BAHCC1: variants seen among roughly 807,000 people sequenced by gnomAD.
BAHCC1 encodes the protein BAH domain and coiled-coil containing 1.
BAHCC1 carries 43 observed loss-of-function variants against 88.2 expected under a neutral mutation model. That is an observed-to-expected ratio of 0.49 (90% CI 0.38 to 0.63). BAHCC1 has a LOEUF of 0.63. BAHCC1 is among the 20% of genes least tolerant of loss of function. The pLI is 0.00. For synonymous variants in BAHCC1, 1,510 were observed against 745.5 expected, an observed-to-expected ratio of 2.03 and a Z score of -16.71; for missense variants, 3,023 against 1,654.8, an observed-to-expected ratio of 1.83 and a Z score of -14.34.
At chr17:81,400,176 C>G (rs1011327867) in intron 2 of BAHCC1, among the ~76,000 whole-genome samples, 1 of 152,166 alleles carries the variant, frequency 6.6e-6, no homozygotes, top group Non-Finnish European at 1.5e-5. Context: ...AAATTAAAGC[C>G]TTTCCGCGCC....
At chr17:81,403,181 A>C (rs2063837777) in intron 2 of BAHCC1, among the ~76,000 whole-genome samples, 1 of 152,172 alleles carries the variant, frequency 6.6e-6, no homozygotes, top group Non-Finnish European at 1.5e-5. Context: ...GGAGAGGCCC[A>C]CATAGACAGC....
intron 2 of BAHCC1, among the ~76,000 whole-genome samples, chr17:81,419,261 C>T (rs1414704796): frequency 6.6e-6 from 1 of 152,222 alleles, no homozygotes; most frequent in Non-Finnish European, 1.5e-5. Context: ...GTCTCCCCAC[C>T]CCGTCCCTCA....
chr17:81,400,159 C>T (rs1167654721), intron 2 of BAHCC1, among the ~76,000 whole-genome samples: 1 of 152,004 alleles, frequency 6.6e-6, no homozygotes, highest in African/African-American at 2.4e-5. Flanking sequence ...AGCCCCGGAG[C>T]CGGCTGAAAT....
In BAHCC1 at chr17:81,455,307, C is replaced by T. The variant is rs1555656999; in HGVS notation, c.4486C>T (p.Arg1496Ter). The T allele has an allele frequency of 1.4e-6, 1 of 717,200 alleles. No individual in the cohort carries two copies. 44.4% of individuals were successfully genotyped at this position (717,200 alleles called of 1,614,324 possible). ...CCTGGGTCTGCTGTGTGCGGAGCTGCGAGGAGGCAGTGGGGGCGAGCCTGC... is the reference window on the plus strand; with the variant it reads ...CCTGGGTCTGCTGTGTGCGGAGCTGTGAGGAGGCAGTGGGGGCGAGCCTGC... ...TSLGLLCAEL[R>*]GGSGGEPAKK... Residue 1496 changes from arginine (R) to a stop codon, truncating the protein, a stop_gained, in exon 15 of 28, where the codon CGA (arginine) becomes TGA (stop). Transcript: ENST00000675386. LOFTEE classifies it high-confidence loss of function.
At position 81,442,543 on chromosome 17, in the gene BAHCC1, G is replaced by A; in HGVS notation, c.1194G>A (p.Val398=). 1.3e-6 allele frequency: 1 copy of A among 740,924 alleles called. No homozygotes were observed. The highest frequency in any genetic ancestry group is 1.4e-5 in the South Asian group (1 of 70,474). The allele number at this position is 740,924 out of a possible 1,614,324, so 45.9% of individuals were successfully genotyped here. The change falls in exon 5 of 28, where the codon GTG becomes GTA. Residue 398 remains valine (V), a synonymous_variant. Coordinates refer to ENST00000675386, the MANE Select transcript of BAHCC1 (RefSeq NM_001377448.1). ...KASGPTFVPS[V]GHLADKGRPF... is the part of the protein sequence containing the mutation. ...GCGGGCCCACCTTCGTGCCTTCTGT[G>A]GGACACCTGGCCGACAAGGGCCGCC...
At chr17:81,397,716 G>C (rs1274403860) in intron 1 of BAHCC1, among the ~76,000 whole-genome samples, 1 of 152,198 alleles carries the variant, frequency 6.6e-6, no homozygotes, top group East Asian at 1.9e-4. Context: ...CCGGGCGCTC[G>C]CTTTGCAGGC....
intron 2 of BAHCC1, among the ~76,000 whole-genome samples, chr17:81,419,479 G>A (rs2064086164): frequency 6.6e-6 from 1 of 152,264 alleles, no homozygotes; most frequent in African/African-American, 2.4e-5. Flanking sequence ...TTGGGAGCCT[G>A]GCTCGTGGGA....
rs1555652904 is a variant in BAHCC1, at chr17:81,442,654, A to C, written c.1305A>C (p.Ala435=). 1.3e-6 allele frequency: 1 copy of C among 775,540 alleles called. No individual in the cohort carries two copies. The highest frequency in any genetic ancestry group is 2.4e-6 in the Non-Finnish European group (1 of 416,212). 48.0% of individuals were successfully genotyped at this position (775,540 alleles called of 1,614,324 possible). A position where few individuals can be genotyped will look rare whatever the true frequency, so the allele number is the denominator to read the frequency against. ...GAACCATGGCCCCCGACCACGCTGC[A>C]CCCTATGGAGTCTCCTATGCCCACC... ...LEGTMAPDHA[A]PYGVSYAHLK... The change falls in exon 5 of 28, where the codon GCA becomes GCC. Residue 435 remains alanine (A), a synonymous_variant. Transcript: ENST00000675386.
At chr17:81,424,289 A>G (rs1193786711) in intron 2 of BAHCC1, among the ~76,000 whole-genome samples, 2 of 152,204 alleles carry the variant, frequency 1.3e-5, no homozygotes, top group Non-Finnish European at 2.9e-5. Context: ...GAGCTGACAC[A>G]GGGCCTATGG....
At chr17:81,406,713 C>T (rs1010939485) in intron 2 of BAHCC1, among the ~76,000 whole-genome samples, 2 of 152,230 alleles carry the variant, frequency 1.3e-5, no homozygotes, top group African/African-American at 4.8e-5. Flanking sequence ...GAGCAGCTGC[C>T]GCGGGAGAAT....
chr17:81,412,195 C>T (rs1025322325), intron 2 of BAHCC1, among the ~76,000 whole-genome samples: 1 of 152,270 alleles, frequency 6.6e-6, no homozygotes, highest in Admixed American at 6.5e-5. Flanking sequence ...GCCGTGGGCC[C>T]TGGTCACTCC....
intron 17 of BAHCC1, among the ~76,000 whole-genome samples, chr17:81,457,849 A>G (rs1356329161): frequency 0.026 from 111 of 4,224 alleles, no homozygotes; most frequent in Middle Eastern, 0.12. Flanking sequence ...CAGGAGGGGG[A>G]GGGCAGGGGT....
In BAHCC1 at chr17:81,461,439, G is replaced by A. The variant is rs377078790; in HGVS notation, c.6776G>A (p.Arg2259Gln). The change falls in exon 26 of 28, where the codon CGG (arginine) becomes CAG (glutamine). Residue 2259 changes from arginine (R) to glutamine (Q), a missense_variant. Arg to Gln is a conservative substitution (Grantham distance 43). Coordinates refer to ENST00000675386, the MANE Select transcript of BAHCC1 (RefSeq NM_001377448.1). ...PALVGKDKKGRAPIPPLPMGL... is the reference protein window; with the variant it reads ...PALVGKDKKGQAPIPPLPMGL... ...CTTGTGGGCAAGGACAAGAAGGGGC[G>A]GGCACCCATCCCCCCGCTGCCCATG... 47 of 737,734 alleles carry A rather than the reference G, an allele frequency of 6.4e-5. No homozygotes were observed. The highest frequency in any genetic ancestry group is 1.1e-4 in the Non-Finnish European group (44 of 398,502). 45.7% of individuals were successfully genotyped at this position (737,734 alleles called of 1,614,324 possible). A position where few individuals can be genotyped will look rare whatever the true frequency, so the allele number is the denominator to read the frequency against.
Position 81,445,187 on chromosome 17 carries a change from C to G in BAHCC1, c.2835+9C>G, listed in dbSNP as rs1460740487. 1.3e-6 allele frequency: 1 copy of G among 760,800 alleles called. No individual in the cohort carries two copies. Among genetic ancestry groups the G allele is most frequent in the South Asian group, 1.4e-5 (1 of 71,690 alleles). The allele number at this position is 760,800 out of a possible 1,614,324, so 47.1% of individuals were successfully genotyped here. Reference sequence around the variant, plus strand: ...GGGCCGCCCAGTTCCAGGTACCGCCCCTAGCCACGCTCACCTGGGCCGGGC... The same window carrying G: ...GGGCCGCCCAGTTCCAGGTACCGCCGCTAGCCACGCTCACCTGGGCCGGGC... On this transcript the variant is annotated intron_variant, in intron 9 of 27. Transcript: ENST00000675386.
rs1336986540 is a variant in BAHCC1, at chr17:81,427,863, C to T, written c.358+884C>T. ...CGGGCGTCGTGTTTACAGAGCGCCG[C>T]GGACCCACACACCACGCCACCGCCC... On this transcript the variant is annotated intron_variant, in intron 3 of 27. Transcript: ENST00000675386. 5.3e-5 allele frequency among the ~76,000 whole-genome samples: 8 copies of T among 152,296 alleles called. No individual in the cohort carries two copies. The East Asian group carries it at 7.7e-4, about 15-fold the overall frequency.
Position 81,448,369 on chromosome 17 carries a change from C to T in BAHCC1, c.3976+521C>T, listed in dbSNP as rs570175112. ...GAGCTCCTGGGCTCTTCCGCCCACC[C>T]AGGGGCCCCAAGGACAGCCGGACAA... is the stretch of plus-strand genomic sequence containing the variant. On this transcript the variant is annotated intron_variant, in intron 11 of 27. Coordinates refer to ENST00000675386, the MANE Select transcript of BAHCC1 (RefSeq NM_001377448.1). Among the ~76,000 whole-genome samples the T allele has an allele frequency of 5.4e-3, 816 of 152,290 alleles. 3 individuals are homozygous for T. The highest frequency in any genetic ancestry group is 0.019 in the African/African-American group (778 of 41,562).
intron 11 of BAHCC1, among the ~76,000 whole-genome samples, chr17:81,449,474 C>T (rs1484844278): frequency 2.6e-5 from 4 of 152,184 alleles, no homozygotes; most frequent in South Asian, 2.1e-4. Flanking sequence ...CCATCGGGGC[C>T]GGGCAAGCAT....
chr17:81,431,286 T>C (rs904841959), intron 3 of BAHCC1, among the ~76,000 whole-genome samples: 56 of 152,126 alleles, frequency 3.7e-4, no homozygotes, highest in African/African-American at 9.9e-4. Context: ...CAGCCTCCTG[T>C]CCCCACTGGA....
intron 14 of BAHCC1, among the ~76,000 whole-genome samples, chr17:81,454,418 GGGATGC>G (rs2064705182): frequency 4.6e-5 from 7 of 152,208 alleles, no homozygotes; most frequent in Non-Finnish European, 8.8e-5. Flanking sequence ...GGAGGGGCCA[GGGATGC>G]AGAATTCCAT....
Sources: gnomAD v4.1 joint callset for allele counts (sites outside exome capture counted in the v4.1 genomes callset) on GRCh38, gnomAD v4.1.1 for gene constraint, MANE v1.5 for transcripts, NCBI Gene and HGNC (gene_info 2026-07-23, HGNC 2026-07-21) for gene names.